Variants in VRK2 observed in about 807,000 individuals in gnomAD.
VRK2 encodes VRK serine/threonine kinase 2.
Under a neutral mutation model 57.6 loss-of-function variants are expected in VRK2, and 60 were observed. The ratio of observed to expected loss-of-function variants is 1.04; its 90% confidence interval spans 0.85 to 1.29. The LOEUF (loss-of-function observed/expected upper bound fraction) is 1.29. VRK2 is among the 50% of genes most tolerant of loss of function. The probability of loss-of-function intolerance (pLI) is 0.00; values close to 1 mark genes in which losing one functional copy is unlikely to be tolerated. For missense variants in VRK2, 705 were observed against 588.1 expected, an observed-to-expected ratio of 1.20 and a Z score of -2.06; for synonymous variants, 231 against 199.2, an observed-to-expected ratio of 1.16 and a Z score of -1.35.
At chr2:57,908,251 G>A (rs985063690) in intron 1 of VRK2, among the ~76,000 whole-genome samples, 4 of 152,124 alleles carry the variant, frequency 2.6e-5, no homozygotes, top group Non-Finnish European at 4.4e-5. Context: ...CACACATCAC[G>A]TATGATTTAA....
chr2:58,137,199 TATCTCATATATGATA>T (rs1358265156), intron 10 of VRK2, among the ~76,000 whole-genome samples: 63 of 59,924 alleles, frequency 1.1e-3, no homozygotes, highest in East Asian at 2.1e-3. Flanking sequence ...GATACATATA[TATCTCATATATGATA>T]CATATATATC....
At chr2:58,023,151 T>C (rs1027205388) in intron 1 of VRK2, among the ~76,000 whole-genome samples, 5 of 152,182 alleles carry the variant, frequency 3.3e-5, no homozygotes, top group East Asian at 1.9e-4. Flanking sequence ...CTTCCTCACA[T>C]ACTCTGGCAA....
intron 1 of VRK2, among the ~76,000 whole-genome samples, chr2:57,918,444 G>A (rs191731985): frequency 1.3e-5 from 2 of 152,112 alleles, no homozygotes; most frequent in East Asian, 3.9e-4. Flanking sequence ...AAACATCAAG[G>A]TTTTTAGTTC....
intron 1 of VRK2, among the ~76,000 whole-genome samples, chr2:57,977,525 A>G (rs763808701): frequency 1.4e-5 from 2 of 144,816 alleles, no homozygotes. Flanking sequence ...CAGGTTGGAC[A>G]TTGTTGGTAT....
At chr2:57,964,329 G>A (rs758407853) in intron 1 of VRK2, among the ~76,000 whole-genome samples, 2 of 152,014 alleles carry the variant, frequency 1.3e-5, no homozygotes, top group Non-Finnish European at 2.9e-5. Context: ...TTTACTATTC[G>A]TTCAGCGAAC....
intron 3 of VRK2, 91 bp downstream of exon 3, chr2:58,084,229 A>G (rs1455871632): frequency 6.0e-6 from 8 of 1,330,300 alleles, no homozygotes; most frequent in Middle Eastern, 2.3e-4. Context: ...TTTTGTAACT[A>G]TTGCCTTATC....
intron 3 of VRK2, among the ~76,000 whole-genome samples, chr2:58,041,587 T>C (rs555153760): frequency 6.6e-6 from 1 of 152,330 alleles, no homozygotes; most frequent in Admixed American, 6.5e-5. Flanking sequence ...TCCCCAAATA[T>C]ATTTCTTTGA....
chr2:57,925,742 A>C (rs1670510499), intron 1 of VRK2, among the ~76,000 whole-genome samples: 1 of 147,974 alleles, frequency 6.8e-6, no homozygotes, highest in South Asian at 2.1e-4. Flanking sequence ...TTTTTCTCTA[A>C]TCTTTATTAT....
chr2:57,929,428 C>G (rs1189273134), intron 1 of VRK2, among the ~76,000 whole-genome samples: 1 of 152,102 alleles, frequency 6.6e-6, no homozygotes, highest in Non-Finnish European at 1.5e-5. Context: ...TGATTGCCTC[C>G]AGGCCTAGGA....
intron 1 of VRK2, among the ~76,000 whole-genome samples, chr2:57,956,851 C>G (rs1381455008): frequency 6.6e-6 from 1 of 152,152 alleles, no homozygotes; most frequent in Non-Finnish European, 1.5e-5. Context: ...TTTAAAATGT[C>G]TGCCATTGTA....
chr2:58,151,731 GTTT>G (rs60379025), intron 12 of VRK2, among the ~76,000 whole-genome samples: 1 of 16,718 alleles, frequency 6.0e-5, no homozygotes, highest in Non-Finnish European at 1.5e-4. Flanking sequence ...TTCTATGCTT[GTTT>G]TTTTTTTTTT....
At chr2:58,086,476 G>A (rs1244498644) in intron 5 of VRK2, 50 bp downstream of exon 5, 18 of 1,478,430 alleles carry the variant, frequency 1.2e-5, no homozygotes, top group African/African-American at 2.9e-5. Context: ...TATTCCTTAT[G>A]TGGTCTATGA....
upstream of VRK2, chr2:58,046,754 G>A: frequency 3.0e-6 from 3 of 985,500 alleles, no homozygotes; most frequent in African/African-American, 1.7e-5. Flanking sequence ...GGGAGGGCAG[G>A]CTCGAGTGCT....
At chr2:58,063,717 A>G (rs1677707447) in intron 2 of VRK2, among the ~76,000 whole-genome samples, 1 of 152,094 alleles carries the variant, frequency 6.6e-6, no homozygotes. Context: ...GAGTGACTTT[A>G]ACTTTCAAGT....
intron 7 of VRK2, among the ~76,000 whole-genome samples, chr2:58,091,246 A>G (rs537215066): frequency 6.6e-6 from 1 of 152,304 alleles, no homozygotes; most frequent in East Asian, 1.9e-4. Flanking sequence ...TGGTTCATTC[A>G]CTATAAAAAA....
intron 1 of VRK2, among the ~76,000 whole-genome samples, chr2:57,974,149 TG>T (rs1354487783): frequency 2.0e-5 from 3 of 152,068 alleles, no homozygotes; most frequent in Non-Finnish European, 4.4e-5. Flanking sequence ...CTAAGCAAAA[TG>T]GAAAGCCATA....
intron 1 of VRK2, among the ~76,000 whole-genome samples, chr2:57,926,213 A>G (rs956214964): frequency 2.0e-5 from 3 of 151,890 alleles, no homozygotes; most frequent in Admixed American, 2.0e-4. Flanking sequence ...CATTGAATAA[A>G]TTGTTCTGTA....
chr2:58,154,199 T>C (rs574732056), intron 12 of VRK2, among the ~76,000 whole-genome samples: 1 of 152,260 alleles, frequency 6.6e-6, no homozygotes, highest in Admixed American at 6.5e-5. Context: ...TTAGTCTTGC[T>C]AGTTTGTCAT....
At chr2:58,137,223 T>TATATGATA (rs1558687321) in intron 10 of VRK2, among the ~76,000 whole-genome samples, 12 of 19,880 alleles carry the variant, frequency 6.0e-4, no homozygotes, top group African/African-American at 1.7e-3. Context: ...TACATATATA[T>TATATGATA]CATATGATAC....
Sources: allele counts gnomAD v4.1 joint callset (sites outside exome capture counted in the v4.1 genomes callset), GRCh38; gene constraint gnomAD v4.1.1; transcripts MANE v1.5; gene names NCBI Gene and HGNC (gene_info 2026-07-23, HGNC 2026-07-21).